FRMD4B: variants seen among roughly 807,000 people sequenced by gnomAD.
FRMD4B encodes FERM domain containing 4B.
FRMD4B carries 74 observed loss-of-function variants against 141.5 expected under a neutral mutation model. That is an observed-to-expected ratio of 0.52 (90% CI 0.43 to 0.63). The LOEUF is 0.63. Among genes scored for constraint, FRMD4B ranks in the 30% least tolerant of loss-of-function variants. The pLI, the probability that FRMD4B is intolerant of heterozygous loss-of-function variation, is 0.00. For missense variants in FRMD4B, 1,366 were observed against 1,253.4 expected, an observed-to-expected ratio of 1.09 and a Z score of -1.36; for synonymous variants, 506 against 467.9, an observed-to-expected ratio of 1.08 and a Z score of -1.05.
At chr3:69,337,965 C>G (rs2085911701) in intron 1 of FRMD4B, among the ~76,000 whole-genome samples, 1 of 152,078 alleles carries the variant, frequency 6.6e-6, no homozygotes. Flanking sequence ...GGGTATATAC[C>G]CAAAGGATTA....
chr3:69,219,826 T>C (rs1022017532), intron 9 of FRMD4B, among the ~76,000 whole-genome samples: 1 of 152,164 alleles, frequency 6.6e-6, no homozygotes, highest in Non-Finnish European at 1.5e-5. Context: ...CCTGTCTCCA[T>C]GTGTTCTCAT....
upstream of FRMD4B, among the ~76,000 whole-genome samples, chr3:69,390,949 T>C (rs565173862): frequency 6.6e-5 from 10 of 152,278 alleles, no homozygotes; most frequent in Middle Eastern, 3.4e-3. Context: ...TCCTCTCACA[T>C]GGCTAGTTGT....
chr3:69,478,154 A>C (rs1706035664), intron 1 of FRMD4B, among the ~76,000 whole-genome samples: 1 of 152,186 alleles, frequency 6.6e-6, no homozygotes, highest in Non-Finnish European at 1.5e-5. Context: ...TCAAAAAACC[A>C]GCTCCTGGAT....
At chr3:69,324,078 G>A (rs1249023487) in intron 1 of FRMD4B, among the ~76,000 whole-genome samples, 1 of 152,124 alleles carries the variant, frequency 6.6e-6, no homozygotes, top group Non-Finnish European at 1.5e-5. Context: ...GCCCCACACT[G>A]ATGAAATATG....
At chr3:69,225,434 G>A (rs2093241220) in intron 7 of FRMD4B, among the ~76,000 whole-genome samples, 1 of 151,286 alleles carries the variant, frequency 6.6e-6, no homozygotes, top group African/African-American at 2.4e-5. Context: ...CCAGCACTTT[G>A]GGAGGCCAAG....
At chr3:69,378,739 G>T (rs1387586281) in intron 1 of FRMD4B, among the ~76,000 whole-genome samples, 3 of 151,652 alleles carry the variant, frequency 2.0e-5, no homozygotes, top group African/African-American at 7.3e-5. Context: ...AAAGTACAGG[G>T]TCATTCAAGT....
intron 1 of FRMD4B, among the ~76,000 whole-genome samples, chr3:69,535,174 G>A (rs565921057): frequency 6.6e-6 from 1 of 152,228 alleles, no homozygotes; most frequent in Non-Finnish European, 1.5e-5. Context: ...AAGCAGCAAA[G>A]ATAGATCTGA....
At chr3:69,481,970 G>T (rs149143501) in intron 1 of FRMD4B, among the ~76,000 whole-genome samples, 309 of 152,316 alleles carry the variant, frequency 2.0e-3, no homozygotes, top group African/African-American at 7.3e-3. Flanking sequence ...ATGTGGACTA[G>T]ATCCTTTTTT....
At chr3:69,520,813 A>G (rs1025680958) in intron 1 of FRMD4B, among the ~76,000 whole-genome samples, 5 of 152,138 alleles carry the variant, frequency 3.3e-5, no homozygotes, top group Non-Finnish European at 5.9e-5. Context: ...CCAAGCTCTT[A>G]GACAAGCTGA....
intron 1 of FRMD4B, among the ~76,000 whole-genome samples, chr3:69,352,115 C>T (rs1235582639): frequency 6.6e-6 from 1 of 152,086 alleles, no homozygotes; most frequent in Non-Finnish European, 1.5e-5. Flanking sequence ...ATATATTAGG[C>T]CCTCTGCTAA....
At chr3:69,301,487 G>C (rs1363344419) in intron 4 of FRMD4B, among the ~76,000 whole-genome samples, 1 of 151,928 alleles carries the variant, frequency 6.6e-6, no homozygotes, top group Non-Finnish European at 1.5e-5. Context: ...ACCAAGTTCA[G>C]CTAATTTTTT....
intron 7 of FRMD4B, among the ~76,000 whole-genome samples, chr3:69,234,624 C>G (rs2093332312): frequency 6.6e-6 from 1 of 152,152 alleles, no homozygotes; most frequent in Non-Finnish European, 1.5e-5. Flanking sequence ...TTTCTCTCTA[C>G]TGATTCCTAG....
At chr3:69,265,541 C>T (rs1320324659) in intron 5 of FRMD4B, among the ~76,000 whole-genome samples, 5 of 148,318 alleles carry the variant, frequency 3.4e-5, no homozygotes, top group Admixed American at 1.4e-4. Flanking sequence ...CTCCGCCGCC[C>T]GGTTCACGCC....
intron 11 of FRMD4B, chr3:69,200,482 C>A (rs571958419): frequency 2.0e-6 from 2 of 991,950 alleles, no homozygotes; most frequent in East Asian, 1.1e-4. Flanking sequence ...GCCCTCCCCC[C>A]TCCCAGACGG....
At chr3:69,276,836 G>A (rs1056589977) in intron 5 of FRMD4B, among the ~76,000 whole-genome samples, 1 of 152,162 alleles carries the variant, frequency 6.6e-6, no homozygotes, top group African/African-American at 2.4e-5. Context: ...ATGGCGGCAC[G>A]TGCCTGTAGT....
chr3:69,188,874 A>G (rs907600420), intron 18 of FRMD4B, among the ~76,000 whole-genome samples: 1 of 151,990 alleles, frequency 6.6e-6, no homozygotes, highest in African/African-American at 2.4e-5. Flanking sequence ...GATTAAGTAC[A>G]AGAGATGACA....
chr3:69,237,589 T>C (rs2093353530), intron 7 of FRMD4B, among the ~76,000 whole-genome samples: 1 of 151,904 alleles, frequency 6.6e-6, no homozygotes, highest in South Asian at 2.1e-4. Flanking sequence ...TGAGCATGCA[T>C]TTCTAGGCTT....
At chr3:69,455,875 C>A (rs776381759) in intron 1 of FRMD4B, among the ~76,000 whole-genome samples, 1 of 152,192 alleles carries the variant, frequency 6.6e-6, no homozygotes, top group Non-Finnish European at 1.5e-5. Context: ...CTTGAGACTT[C>A]TACTCTAGGT....
chr3:69,288,395 T>C (rs967941523), intron 4 of FRMD4B, among the ~76,000 whole-genome samples: 1 of 152,264 alleles, frequency 6.6e-6, no homozygotes, highest in African/African-American at 2.4e-5. Flanking sequence ...GGTTTTCCTT[T>C]GGCTCAAAGC....
Sources: allele counts gnomAD v4.1 joint callset (sites outside exome capture counted in the v4.1 genomes callset), GRCh38; gene constraint gnomAD v4.1.1; transcripts MANE v1.5; gene names NCBI Gene and HGNC (gene_info 2026-07-23, HGNC 2026-07-21).